DBH: variants seen among roughly 807,000 people sequenced by gnomAD.
DBH encodes dopamine beta-hydroxylase.
DBH carries 49 observed loss-of-function variants against 64.0 expected under a neutral mutation model. That is an observed-to-expected ratio of 0.77 (90% CI 0.61 to 0.97). The LOEUF (loss-of-function observed/expected upper bound fraction) is 0.97, where lower values mean the gene tolerates loss of function less well. DBH is among the 50% of genes least tolerant of loss of function. DBH has a pLI of 0.00. For missense variants in DBH, 828 were observed against 826.6 expected, an observed-to-expected ratio of 1.00 and a Z score of -0.02; for synonymous variants, 343 against 347.1, an observed-to-expected ratio of 0.99 and a Z score of 0.13.
rs553948223 is a variant in DBH, at chr9:133,649,226, A to G, written c.1191+1214A>G. Among the ~76,000 whole-genome samples, 3 of 151,992 alleles carry G rather than the reference A, an allele frequency of 2.0e-5. No individual in the cohort carries two copies. In the South Asian group the frequency reaches 6.2e-4, roughly 32 times the overall value. On this transcript the variant is annotated intron_variant, in intron 6 of 11. Coordinates refer to ENST00000393056, the MANE Select transcript of DBH (RefSeq NM_000787.4). ...TTCCAGTAGGTGGTTTGTTTTTCTT[A>G]CTGTTGGTTTCTAGGAGTTCTTCTT...
intron 4 of DBH, among the ~76,000 whole-genome samples, 196 bp from the exon 5 acceptor site, chr9:133,644,022 C>G (rs1039282022): frequency 6.6e-6 from 1 of 152,182 alleles, no homozygotes; most frequent in Non-Finnish European, 1.5e-5. Context: ...CTCCCCAACT[C>G]CCTGACCCGA....
intron 6 of DBH, among the ~76,000 whole-genome samples, chr9:133,650,452 TTCC>T (rs72293809): frequency 0.055 from 8,173 of 149,682 alleles, 468 homozygotes; most frequent in African/African-American, 0.15. Flanking sequence ...CTTCTTTTCT[TTCC>T]TTTCTTTTCT....
intron 11 of DBH, among the ~76,000 whole-genome samples, chr9:133,657,746 A>G (rs1252274473): frequency 6.6e-6 from 1 of 152,048 alleles, no homozygotes; most frequent in African/African-American, 2.4e-5. Context: ...AAGGCATCTA[A>G]TTTATCCTGG....
rs768076950 is a variant in DBH at position 133,651,749 on chromosome 9, AG to A, written c.1309del (p.Asp437ThrfsTer14). Reference sequence around the variant, plus strand: ...GGCCGGGAGTGGGAGATCGTGAACCAGGACAATCACTACAGCCCTCACTTCC... The same window carrying A: ...GGCCGGGAGTGGGAGATCGTGAACCAGACAATCACTACAGCCCTCACTTCC... The part of the protein sequence containing the change: ...RDGREWEIVN[Q>X]DNHYSPHFQE... On this transcript the variant is annotated frameshift_variant, in exon 7 of 12. Coordinates refer to ENST00000393056, the MANE Select transcript of DBH (RefSeq NM_000787.4). LOFTEE classifies it high-confidence loss of function. The A allele has an allele frequency of 6.2e-7, 1 of 1,612,706 alleles. No individual in the cohort carries two copies.
At position 133,643,606 on chromosome 9, in the gene DBH, C is replaced by T. The variant is rs1393697106; in HGVS notation, c.921+17C>T. ...GGTGCCAAGGTGCGTGCCCTGCGAC[C>T]CCAGCATGGTGTCTCCTGCCTGGGC... On this transcript the variant is annotated intron_variant, in intron 4 of 11. Transcript: ENST00000393056. This position sits in a 1 kb window ranked among gnomAD's most constrained non-coding sequence, Gnocchi z 5.3. 1 of 1,612,776 alleles carries T rather than the reference C, an allele frequency of 6.2e-7. No individual in the cohort carries two copies. Among genetic ancestry groups the T allele is most frequent in the South Asian group, 1.1e-5 (1 of 91,056 alleles).
At chr9:133,637,163 C>G (rs1245563630) in intron 1 of DBH, among the ~76,000 whole-genome samples, 1 of 152,208 alleles carries the variant, frequency 6.6e-6, no homozygotes, top group Non-Finnish European at 1.5e-5. Flanking sequence ...GCCTGCACAC[C>G]CATGGGATCC....
chr9:133,650,922 C>G (rs1242742131), intron 6 of DBH, among the ~76,000 whole-genome samples: 1 of 152,256 alleles, frequency 6.6e-6, no homozygotes, highest in East Asian at 1.9e-4. Context: ...AAGATTCTCT[C>G]ATGCCCCAGT....
chr9:133,650,709 G>T (rs143996855), intron 6 of DBH, among the ~76,000 whole-genome samples: 1 of 151,360 alleles, frequency 6.6e-6, no homozygotes, highest in Non-Finnish European at 1.5e-5. Flanking sequence ...CACCATGCCC[G>T]GCCAATTTTT....
At chr9:133,638,826 C>T (rs1832081746) in intron 1 of DBH, among the ~76,000 whole-genome samples, 1 of 152,110 alleles carries the variant, frequency 6.6e-6, no homozygotes. Flanking sequence ...GAAGGGCAGC[C>T]TGCTTGTTGG....
In DBH at chr9:133,647,960, G is replaced by A. The variant is rs77984399; in HGVS notation, c.1139G>A (p.Arg380Gln). ...ACGCCAGTGATGGCCATTCCACCAC[G>A]GGAGACCGCCTTCATCCTCACTGGC... ...VYTPVMAIPPRETAFILTGYC... is the reference protein window; with the variant it reads ...VYTPVMAIPPQETAFILTGYC... The change falls in exon 6 of 12, where the codon CGG (arginine) becomes CAG (glutamine). Residue 380 changes from arginine to glutamine, a missense_variant. By Grantham distance (43) the Arg-to-Gln change is conservative. Transcript: ENST00000393056. The A allele has an allele frequency of 1.5e-4, 244 of 1,613,926 alleles. 1 individual carries two copies. The Middle Eastern group carries it at 2.3e-3, about 15-fold the overall frequency.
intron 5 of DBH, among the ~76,000 whole-genome samples, chr9:133,644,600 C>T (rs1294215910): frequency 2.0e-5 from 3 of 152,232 alleles, no homozygotes; most frequent in East Asian, 1.9e-4. Flanking sequence ...CTGCCATCGG[C>T]GCAGCACTGT....
intron 2 of DBH, among the ~76,000 whole-genome samples, chr9:133,641,538 G>T (rs1170040234): frequency 6.6e-6 from 1 of 152,226 alleles, no homozygotes; most frequent in Non-Finnish European, 1.5e-5. Context: ...ACCCACACGG[G>T]TCTGCACTGT....
intron 11 of DBH, among the ~76,000 whole-genome samples, 198 bp from the exon 12 acceptor site, chr9:133,658,118 T>G: frequency 6.7e-6 from 1 of 148,498 alleles, no homozygotes; most frequent in East Asian, 2.1e-4. Context: ...CCTGACTAGG[T>G]GAATGGGAAG....
In DBH at chr9:133,643,953, C is replaced by G. The variant is rs1832147968; in HGVS notation, c.922-265C>G. Among the ~76,000 whole-genome samples, 1 of 152,130 alleles carries G rather than the reference C, an allele frequency of 6.6e-6. No homozygotes were observed. Among genetic ancestry groups the G allele is most frequent in the Non-Finnish European group, 1.5e-5 (1 of 68,018 alleles). Reference sequence around the variant, plus strand: ...TGAGACGATGGGGGTCTCCCCAGCTCTTACACCCGTCTAGAGAAGGGGTTT... The same window carrying G: ...TGAGACGATGGGGGTCTCCCCAGCTGTTACACCCGTCTAGAGAAGGGGTTT... On this transcript the variant is annotated intron_variant, in intron 4 of 11. Coordinates refer to ENST00000393056, the MANE Select transcript of DBH (RefSeq NM_000787.4). The surrounding 1 kb of genome is among the most constrained non-coding windows in gnomAD (Gnocchi z 5.3).
Position 133,644,244 on chromosome 9 carries a change from C to T in DBH, c.948C>T (p.Gly316=). The change falls in exon 5 of 12, where the codon GGC becomes GGT. Residue 316 remains glycine (G), a synonymous_variant. Transcript: ENST00000393056. Reference sequence around the variant, plus strand: ...CATTTTACTACCCAGAGGAAGCCGGCCTTGCCTTCGGGGGTCCAGGGTCCT... The same window carrying T: ...CATTTTACTACCCAGAGGAAGCCGGTCTTGCCTTCGGGGGTCCAGGGTCCT... ...AKAFYYPEEA[G]LAFGGPGSSR... is the part of the protein sequence containing the mutation. 1 of 1,614,164 alleles carries T rather than the reference C, an allele frequency of 6.2e-7. No homozygotes were observed. Among genetic ancestry groups the T allele is most frequent in the Non-Finnish European group, 8.5e-7 (1 of 1,179,986 alleles).
intron 6 of DBH, among the ~76,000 whole-genome samples, chr9:133,650,566 T>G (rs1832237225): frequency 6.7e-6 from 1 of 148,940 alleles, no homozygotes; most frequent in African/African-American, 2.5e-5. Context: ...TTTTTTTTTT[T>G]GATGGAGTTT....
intron 9 of DBH, 125 bp from the exon 10 acceptor site, chr9:133,656,398 C>T: frequency 7.4e-7 from 1 of 1,353,410 alleles, no homozygotes; most frequent in Admixed American, 1.8e-5. Flanking sequence ...TTCCCCAGAG[C>T]ATGCCTGGCA....
chr9:133,657,370 A>ACATAGGCCTAG, intron 11 of DBH, 141 bp downstream of exon 11: 1 of 957,720 alleles, frequency 1.0e-6, no homozygotes, highest in East Asian at 2.9e-5. Flanking sequence ...AGGTGGTGAC[A>ACATAGGCCTAG]CATAGGCCTA....
chr9:133,648,029 C>T lies in DBH; in HGVS notation c.1191+17C>T. 1.2e-6 allele frequency: 2 copies of T among 1,606,502 alleles called. No homozygotes were observed. The highest frequency in any genetic ancestry group is 1.8e-4 in the Middle Eastern group (1 of 5,540). ...ACCCAGCTGGTGAGTGGGGCTGGGCCCGGCACTGCACCCTCCCTCCTCCCG... is the reference window on the plus strand; with the variant it reads ...ACCCAGCTGGTGAGTGGGGCTGGGCTCGGCACTGCACCCTCCCTCCTCCCG... On this transcript the variant is annotated intron_variant, in intron 6 of 11. Transcript: ENST00000393056.
Sources: gnomAD v4.1 joint callset for allele counts (sites outside exome capture counted in the v4.1 genomes callset) on GRCh38, gnomAD v4.1.1 for gene constraint, Gnocchi (gnomAD v3.1) non-coding constraint, MANE v1.5 for transcripts, NCBI Gene and HGNC (gene_info 2026-07-23, HGNC 2026-07-21) for gene names.